Variants in EPB41L4B observed in about 807,000 individuals in gnomAD.
EPB41L4B encodes erythrocyte membrane protein band 4.1 like 4B.
A neutral mutation model predicts 112.5 loss-of-function variants in EPB41L4B; 30 were observed. The observed-to-expected ratio is 0.27, with a 90% CI of 0.20 to 0.36. EPB41L4B has a LOEUF of 0.36. Ranked by LOEUF, EPB41L4B falls within the 10% of genes least tolerant of loss-of-function variation. The probability of loss-of-function intolerance (pLI) is 1.00; values close to 1 mark genes in which losing one functional copy is unlikely to be tolerated. For missense variants in EPB41L4B, 1,024 were observed against 1,133.3 expected, an observed-to-expected ratio of 0.90 and a Z score of 1.38; for synonymous variants, 408 against 439.7, an observed-to-expected ratio of 0.93 and a Z score of 0.90.
intron 1 of EPB41L4B, among the ~76,000 whole-genome samples, chr9:109,297,060 G>T (rs1204553069): frequency 6.6e-6 from 1 of 151,994 alleles, no homozygotes; most frequent in Admixed American, 6.6e-5. Context: ...AAGTGAAGTT[G>T]TTAGAATGAC....
chr9:109,283,931 T>TA (rs200346279), intron 1 of EPB41L4B, among the ~76,000 whole-genome samples: 3,756 of 132,546 alleles, frequency 0.028, 96 homozygotes, highest in African/African-American at 0.073. Context: ...TACAAAAAAG[T>TA]AAAAAAAAAA....
chr9:109,309,057 G>A (rs999665540), intron 1 of EPB41L4B, among the ~76,000 whole-genome samples: 1 of 151,954 alleles, frequency 6.6e-6, no homozygotes, highest in Non-Finnish European at 1.5e-5. Flanking sequence ...CCTAGGTGAC[G>A]AAGCGAGATT....
At chr9:109,183,459 A>T (rs548035826) in intron 23 of EPB41L4B, among the ~76,000 whole-genome samples, 8 of 152,254 alleles carry the variant, frequency 5.3e-5, no homozygotes, top group African/African-American at 1.7e-4. Context: ...TGTAGTACTG[A>T]GCTAGTCTGA....
intron 22 of EPB41L4B, among the ~76,000 whole-genome samples, chr9:109,189,588 T>C (rs1226411811): frequency 6.6e-6 from 1 of 152,148 alleles, no homozygotes; most frequent in African/African-American, 2.4e-5. Flanking sequence ...GTATCAAGAG[T>C]GATAAAAGTG....
At chr9:109,199,123 A>C (rs1457634923) in intron 20 of EPB41L4B, among the ~76,000 whole-genome samples, 4 of 152,258 alleles carry the variant, frequency 2.6e-5, no homozygotes, top group Non-Finnish European at 4.4e-5. Flanking sequence ...GATGCCTAGA[A>C]CAGTCAGGTG....
chr9:109,317,025 C>G (rs766055503), intron 1 of EPB41L4B, among the ~76,000 whole-genome samples: 1 of 152,018 alleles, frequency 6.6e-6, no homozygotes, highest in Non-Finnish European at 1.5e-5. Context: ...GGATTGCTTG[C>G]GGCTAGGAGA....
intron 18 of EPB41L4B, among the ~76,000 whole-genome samples, chr9:109,204,573 C>A (rs763115126): frequency 2.0e-5 from 3 of 152,114 alleles, no homozygotes; most frequent in Non-Finnish European, 4.4e-5. Flanking sequence ...CTCACTGCGG[C>A]CTTGACTTCC....
At chr9:109,316,531 T>TG (rs1837641019) in intron 1 of EPB41L4B, among the ~76,000 whole-genome samples, 1 of 152,200 alleles carries the variant, frequency 6.6e-6, no homozygotes, top group Admixed American at 6.5e-5. Context: ...GAGGGAGTCC[T>TG]GCCCTGCTCT....
intron 2 of EPB41L4B, among the ~76,000 whole-genome samples, chr9:109,277,677 ACAGTCACGGGGG>A (rs1835886320): frequency 6.6e-6 from 1 of 152,178 alleles, no homozygotes; most frequent in Non-Finnish European, 1.5e-5. Context: ...AGGCCAGGGG[ACAGTCACGGGGG>A]CAGGAGAATC....
At chr9:109,220,086 C>G (rs574752145) in intron 15 of EPB41L4B, among the ~76,000 whole-genome samples, 7 of 152,310 alleles carry the variant, frequency 4.6e-5, no homozygotes, top group Admixed American at 2.0e-4. Flanking sequence ...ATTATAAGCT[C>G]CAGTAAATGC....
At chr9:109,287,802 A>G (rs1421101586) in intron 1 of EPB41L4B, among the ~76,000 whole-genome samples, 3 of 152,126 alleles carry the variant, frequency 2.0e-5, no homozygotes, top group Admixed American at 1.3e-4. Flanking sequence ...GGGTCCCACT[A>G]TGTTGCCTAG....
At chr9:109,208,760 A>T (rs767042531) in intron 17 of EPB41L4B, among the ~76,000 whole-genome samples, 1 of 152,212 alleles carries the variant, frequency 6.6e-6, no homozygotes, top group Non-Finnish European at 1.5e-5. Context: ...CACTATTAAA[A>T]TAAAAAGTAC....
At position 109,172,861 on chromosome 9, in the gene EPB41L4B, T is replaced by G. The variant is rs906760011; in HGVS notation, c.*1693A>C. 2.0e-5 allele frequency: 3 copies of G among 152,672 alleles called. No homozygotes were observed. Among genetic ancestry groups the G allele is most frequent in the African/African-American group, 7.2e-5 (3 of 41,460 alleles). The allele number at this position is 152,672 out of a possible 1,614,324, so 9.5% of individuals were successfully genotyped here. On this transcript the variant is annotated 3_prime_UTR_variant, in exon 26 of 26. Transcript: ENST00000374566. ...AATGAGGCATTACCTTTTTTTGTAG[T>G]CATTAGTATCAAATTATTGGCACCA...
intron 16 of EPB41L4B, 32 bp downstream of exon 16, chr9:109,216,890 T>G: frequency 6.2e-7 from 1 of 1,604,472 alleles, no homozygotes; most frequent in Non-Finnish European, 8.5e-7. Context: ...TGCTCCCCCT[T>G]CTCCTGCCTT....
intron 19 of EPB41L4B, 81 bp from the exon 20 acceptor site, chr9:109,200,415 G>C: frequency 2.9e-6 from 3 of 1,028,284 alleles, no homozygotes; most frequent in East Asian, 2.4e-5. Context: ...TGCTTTCTCA[G>C]TTAATGTACA....
chr9:109,277,684 CG>C (rs1251095941), intron 2 of EPB41L4B, among the ~76,000 whole-genome samples: 1 of 152,036 alleles, frequency 6.6e-6, no homozygotes, highest in African/African-American at 2.4e-5. Flanking sequence ...GGGACAGTCA[CG>C]GGGGCAGGAG....
chr9:109,196,429 A>T (rs1832642904), intron 20 of EPB41L4B: 1 of 152,222 alleles, frequency 6.6e-6, no homozygotes, highest in Non-Finnish European at 1.5e-5. Flanking sequence ...ATAAAAAATG[A>T]CACTTTTGGC....
At chr9:109,259,151 C>T (rs1477746090) in intron 6 of EPB41L4B, among the ~76,000 whole-genome samples, 1 of 152,178 alleles carries the variant, frequency 6.6e-6, no homozygotes, top group Non-Finnish European at 1.5e-5. Flanking sequence ...CCCCTGGGAG[C>T]TTGCCCAAAA....
intron 11 of EPB41L4B, among the ~76,000 whole-genome samples, chr9:109,255,065 G>A (rs1022933204): frequency 1.3e-5 from 2 of 152,222 alleles, no homozygotes; most frequent in African/African-American, 2.4e-5. Flanking sequence ...TATTAAGGGT[G>A]TGTGAACAGT....
Sources: gnomAD v4.1 joint callset for allele counts (sites outside exome capture counted in the v4.1 genomes callset) on GRCh38, gnomAD v4.1.1 for gene constraint, MANE v1.5 for transcripts, NCBI Gene and HGNC (gene_info 2026-07-23, HGNC 2026-07-21) for gene names.